Variants in ZEB1 observed in about 807,000 individuals in gnomAD.
ZEB1 encodes the protein zinc finger E-box binding homeobox 1, also known as zinc finger E-box-binding homeobox 1.
A neutral mutation model predicts 84.9 loss-of-function variants in ZEB1; 21 were observed. The observed-to-expected ratio is 0.25, with a 90% confidence interval of 0.18 to 0.36. ZEB1 has a LOEUF of 0.36. Among genes scored for constraint, ZEB1 ranks in the 10% least tolerant of loss-of-function variants. ZEB1 has a pLI of 1.00. For synonymous variants in ZEB1, 420 were observed against 471.1 expected, an observed-to-expected ratio of 0.89 and a Z score of 1.41; for missense variants, 1,104 against 1,330.2, an observed-to-expected ratio of 0.83 and a Z score of 2.65.
At chr10:31,349,571 C>T (rs2040951312) in intron 1 of ZEB1, among the ~76,000 whole-genome samples, 1 of 152,200 alleles carries the variant, frequency 6.6e-6, no homozygotes, top group Non-Finnish European at 1.5e-5. Context: ...TCTGCATCCT[C>T]ATCAGCACTT....
At chr10:31,410,143 G>A (rs1247273434) in intron 1 of ZEB1, among the ~76,000 whole-genome samples, 4 of 152,190 alleles carry the variant, frequency 2.6e-5, no homozygotes, top group Non-Finnish European at 4.4e-5. Context: ...TTGGCTGTGG[G>A]TTTGTCATAA....
intron 1 of ZEB1, chr10:31,319,563 G>C: frequency 4.5e-6 from 2 of 440,346 alleles, no homozygotes; most frequent in Non-Finnish European, 4.0e-6. Context: ...CGCCTCCCTG[G>C]ACCGTTAGCC....
intron 2 of ZEB1, among the ~76,000 whole-genome samples, chr10:31,463,008 A>C: frequency 6.6e-6 from 1 of 152,136 alleles, no homozygotes; most frequent in Non-Finnish European, 1.5e-5. Flanking sequence ...AGAGAAGTTG[A>C]CTTGCTCACT....
At position 31,443,971 on chromosome 10, in the gene ZEB1, C is replaced by T. The variant is rs895421048; in HGVS notation, c.59-17066C>T. On this transcript the variant is annotated intron_variant, in intron 1 of 8. Transcript: ENST00000424869. ...TCAAATGGTATTTCTAGTTCTAGAT[C>T]CCTGAGGAATCGCCACACTGTCTTC... is the stretch of plus-strand genomic sequence containing the variant. Among the ~76,000 whole-genome samples, 101 of 149,558 alleles carry T rather than the reference C, an allele frequency of 6.8e-4. 2 individuals are homozygous for T. Among genetic ancestry groups the T allele is most frequent in the Admixed American group, 5.0e-3 (75 of 15,116 alleles).
chr10:31,382,025 A>AAAAAAAAAAAAAAAAAAAAAC (rs1564659083), intron 1 of ZEB1, among the ~76,000 whole-genome samples: 4 of 146,072 alleles, frequency 2.7e-5, no homozygotes, highest in African/African-American at 1.1e-4. Flanking sequence ...AAAAAAAAAA[A>AAAAAAAAAAAAAAAAAAAAAC]AAAAAAAAAC....
intron 1 of ZEB1, among the ~76,000 whole-genome samples, chr10:31,427,578 C>T (rs1005288274): frequency 5.3e-5 from 8 of 152,178 alleles, no homozygotes; most frequent in Non-Finnish European, 1.2e-4. Context: ...CTTGGCCAGG[C>T]GCGGTGGCTC....
intron 1 of ZEB1, chr10:31,387,227 G>A (rs1424217024): frequency 1.0e-6 from 1 of 985,830 alleles, no homozygotes; most frequent in Non-Finnish European, 1.2e-6. Flanking sequence ...TGGGGTGTGA[G>A]AACTTGATCA....
At chr10:31,499,849 CAAGATT>C (rs1465844332) in intron 3 of ZEB1, among the ~76,000 whole-genome samples, 2 of 151,826 alleles carry the variant, frequency 1.3e-5, no homozygotes, top group African/African-American at 2.4e-5. Context: ...GTAGTAAAGT[CAAGATT>C]AAGATTATGT....
intron 1 of ZEB1, among the ~76,000 whole-genome samples, chr10:31,349,064 C>T (rs1235123615): frequency 6.6e-6 from 1 of 152,110 alleles, no homozygotes; most frequent in Non-Finnish European, 1.5e-5. Context: ...CTTTGACCAA[C>T]ATTTCCCCAC....
At position 31,440,335 on chromosome 10, in the gene ZEB1, G is replaced by A. The variant is rs530893056; in HGVS notation, c.59-20702G>A. ...TGATTATCTCAATAGATGCAGAAAA[G>A]GCCTTTGACAAAATTCAACAGCCCT... On this transcript the variant is annotated intron_variant, in intron 1 of 8. Coordinates refer to ENST00000424869, the MANE Select transcript of ZEB1 (RefSeq NM_001174096.2). 7.1e-3 allele frequency among the ~76,000 whole-genome samples: 1,077 copies of A among 152,086 alleles called. 11 individuals are homozygous for A. The highest frequency in any genetic ancestry group is 0.024 in the African/African-American group (975 of 41,482).
rs2072472067 is a variant in ZEB1, at chr10:31,521,841, A to G, written c.2509A>G (p.Ile837Val). Residue 837 changes from isoleucine to valine, a missense_variant, in exon 7 of 9, where the codon ATT (isoleucine) becomes GTT (valine). Ile to Val is a conservative substitution (Grantham distance 29). Around this residue, in one of 7 missense-constraint regions of ZEB1, gnomAD observed 531 missense variants for 575.2 expected, o/e 0.92. Coordinates refer to ENST00000424869, the MANE Select transcript of ZEB1 (RefSeq NM_001174096.2). ...LRALAANKQT[I>V]LIPQVAYTYS... is the part of the protein sequence containing the mutation. ...AGCGCTAGCTGCCAATAAGCAAACGATTCTGATTCCCCAGGTGGCATACAC... is the reference window on the plus strand; with the variant it reads ...AGCGCTAGCTGCCAATAAGCAAACGGTTCTGATTCCCCAGGTGGCATACAC... The G allele has an allele frequency of 3.1e-6, 5 of 1,613,808 alleles. No individual in the cohort carries two copies. The highest frequency in any genetic ancestry group is 4.2e-6 in the Non-Finnish European group (5 of 1,179,846).
intron 2 of ZEB1, among the ~76,000 whole-genome samples, chr10:31,491,639 G>A (rs2066547575): frequency 6.6e-6 from 1 of 151,886 alleles, no homozygotes; most frequent in South Asian, 2.1e-4. Flanking sequence ...ATCTTCTCCA[G>A]TCCACCTGCT....
At chr10:31,384,539 A>G (rs750867464) in intron 1 of ZEB1, among the ~76,000 whole-genome samples, 7 of 152,208 alleles carry the variant, frequency 4.6e-5, no homozygotes, top group African/African-American at 7.2e-5. Context: ...AAAAGGGAGA[A>G]AACAGTCTTT....
intron 1 of ZEB1, chr10:31,387,023 C>T (rs1341215303): frequency 1.1e-6 from 1 of 875,356 alleles, no homozygotes; most frequent in African/African-American, 1.8e-5. Flanking sequence ...ATGATTTTAT[C>T]TAATTTCTGT....
intron 1 of ZEB1, among the ~76,000 whole-genome samples, chr10:31,325,661 C>G (rs1214160813): frequency 1.3e-5 from 2 of 151,894 alleles, no homozygotes; most frequent in Admixed American, 1.3e-4. Context: ...TCTCCCTTCC[C>G]CTCCCCCATT....
intron 1 of ZEB1, among the ~76,000 whole-genome samples, chr10:31,344,383 ATACT>A (rs1182240883): frequency 6.6e-6 from 1 of 152,050 alleles, no homozygotes; most frequent in African/African-American, 2.4e-5. Flanking sequence ...CAAGTATAAA[ATACT>A]TACATATAAA....
At chr10:31,413,314 T>G (rs1455502564) in intron 1 of ZEB1, among the ~76,000 whole-genome samples, 2 of 152,226 alleles carry the variant, frequency 1.3e-5, no homozygotes. Context: ...AATAAGCCCT[T>G]GTATCTGCCA....
chr10:31,386,143 G>A (rs1376360778), intron 1 of ZEB1, among the ~76,000 whole-genome samples: 1 of 151,816 alleles, frequency 6.6e-6, no homozygotes, highest in Non-Finnish European at 1.5e-5. Context: ...AAAGCATTAA[G>A]AAGGTATATT....
chr10:31,388,754 G>A (rs142864719), intron 1 of ZEB1, among the ~76,000 whole-genome samples: 2 of 151,952 alleles, frequency 1.3e-5, no homozygotes, highest in African/African-American at 4.8e-5. Flanking sequence ...ATTTGCAAGA[G>A]CATGCTAAAT....
Sources: gnomAD v4.1 joint callset for allele counts (sites outside exome capture counted in the v4.1 genomes callset) on GRCh38, gnomAD v4.1.1 for gene constraint, gnomAD v4.1.1 regional missense constraint, MANE v1.5 for transcripts, NCBI Gene and HGNC (gene_info 2026-07-23, HGNC 2026-07-21) for gene names.